IGF2BP2: variants seen among roughly 807,000 people sequenced by gnomAD.
IGF2BP2 encodes the protein insulin like growth factor 2 mRNA binding protein 2.
In IGF2BP2, 17 loss-of-function variants were observed where a neutral mutation model predicts 75.8. The ratio of observed to expected loss-of-function variants is 0.22; its 90% CI spans 0.15 to 0.34. The LOEUF is 0.34. IGF2BP2 is among the 10% of genes least tolerant of loss of function. The pLI, the probability that IGF2BP2 is intolerant of heterozygous loss-of-function variation, is 1.00. For synonymous variants in IGF2BP2, 288 were observed against 295.6 expected (o/e 0.97, Z 0.26); for missense variants, 516 against 772.4 (o/e 0.67, Z 3.93).
At chr3:185,801,758 G>T (rs1738311060) in intron 2 of IGF2BP2, among the ~76,000 whole-genome samples, 1 of 152,014 alleles carries the variant, frequency 6.6e-6, no homozygotes, top group Non-Finnish European at 1.5e-5. Context: ...CAAAGACTTG[G>T]AACCAACCCA....
intron 13 of IGF2BP2, 128 bp downstream of exon 13, chr3:185,651,966 T>G: frequency 2.2e-5 from 14 of 635,364 alleles, no homozygotes; most frequent in Non-Finnish European, 3.1e-5. Flanking sequence ...AGGGTGAGCC[T>G]GAGCTTGGTG....
At chr3:185,815,851 A>AC (rs1740532943) in intron 2 of IGF2BP2, among the ~76,000 whole-genome samples, 1 of 152,220 alleles carries the variant, frequency 6.6e-6, no homozygotes, top group Non-Finnish European at 1.5e-5. Context: ...AATGAACTGT[A>AC]CTTCACATGC....
chr3:185,807,479 T>C (rs528990884), intron 2 of IGF2BP2, among the ~76,000 whole-genome samples: 1 of 152,248 alleles, frequency 6.6e-6, no homozygotes, highest in Non-Finnish European at 1.5e-5. Flanking sequence ...CCAGTTTTAC[T>C]CCAAAAGAGG....
At chr3:185,771,882 C>T (rs900918842) in intron 2 of IGF2BP2, among the ~76,000 whole-genome samples, 5 of 152,250 alleles carry the variant, frequency 3.3e-5, no homozygotes, top group South Asian at 4.1e-4. Context: ...GCAGCTCACA[C>T]GGCCTCTTTG....
intron 7 of IGF2BP2, among the ~76,000 whole-genome samples, chr3:185,686,385 A>T (rs1243652869): frequency 7.0e-6 from 1 of 142,118 alleles, no homozygotes; most frequent in Non-Finnish European, 1.5e-5. Context: ...ACTCTGTCTT[A>T]AAAAAAAAAA....
chr3:185,786,521 C>T (rs898419847), intron 2 of IGF2BP2, among the ~76,000 whole-genome samples: 4 of 152,148 alleles, frequency 2.6e-5, no homozygotes, highest in Non-Finnish European at 5.9e-5. Flanking sequence ...GAAGCTCCCC[C>T]ACTGAGCACC....
At position 185,823,139 on chromosome 3, in the gene IGF2BP2, C is replaced by G; in HGVS notation, c.239+14G>C. ...GGCCAATCGCAAAAAAAAAACTAAGCAAAGTATATTTACCTTAGCTTTTTA... is the reference window on the plus strand; with the variant it reads ...GGCCAATCGCAAAAAAAAAACTAAGGAAAGTATATTTACCTTAGCTTTTTA... On this transcript the variant is annotated intron_variant, in intron 2 of 15. Transcript: ENST00000382199. 1.3e-6 allele frequency: 2 copies of G among 1,569,984 alleles called. No homozygotes were observed. Among genetic ancestry groups the G allele is most frequent in the Non-Finnish European group, 1.7e-6 (2 of 1,157,510 alleles).
At chr3:185,772,588 T>C (rs1297305082) in intron 2 of IGF2BP2, among the ~76,000 whole-genome samples, 4 of 149,076 alleles carry the variant, frequency 2.7e-5, no homozygotes, top group Admixed American at 6.7e-5. Context: ...TTTTTTTTTT[T>C]TTTTTTTTTT....
chr3:185,683,131 G>A (rs1477156300), intron 7 of IGF2BP2, among the ~76,000 whole-genome samples: 2 of 152,182 alleles, frequency 1.3e-5, no homozygotes, highest in Non-Finnish European at 1.5e-5. Flanking sequence ...AGGAAAGCCT[G>A]TTACATGCTA....
At chr3:185,805,286 T>A (rs535025065) in intron 2 of IGF2BP2, among the ~76,000 whole-genome samples, 2 of 152,250 alleles carry the variant, frequency 1.3e-5, no homozygotes, top group South Asian at 2.1e-4. Context: ...AGTGTGGTGC[T>A]AACTTGAGCT....
At chr3:185,744,869 T>C (rs750898629) in intron 2 of IGF2BP2, among the ~76,000 whole-genome samples, 6 of 152,236 alleles carry the variant, frequency 3.9e-5, no homozygotes, top group Non-Finnish European at 8.8e-5. Flanking sequence ...AAACTCAGCA[T>C]ATCATGTTTT....
At chr3:185,812,946 CT>C (rs1740105494) in intron 2 of IGF2BP2, among the ~76,000 whole-genome samples, 1 of 152,224 alleles carries the variant, frequency 6.6e-6, no homozygotes, top group Non-Finnish European at 1.5e-5. Flanking sequence ...ACTAAAGCCA[CT>C]GATCAATTTC....
At chr3:185,660,666 G>T (rs1716288717) in intron 10 of IGF2BP2, among the ~76,000 whole-genome samples, 1 of 152,204 alleles carries the variant, frequency 6.6e-6, no homozygotes, top group African/African-American at 2.4e-5. Context: ...TTGCAGGAAG[G>T]TGGGTGAAGC....
intron 2 of IGF2BP2, among the ~76,000 whole-genome samples, chr3:185,786,754 C>T (rs1047034931): frequency 6.6e-6 from 1 of 152,072 alleles, no homozygotes; most frequent in Non-Finnish European, 1.5e-5. Context: ...TCTTAAGATA[C>T]GTGGAAACCT....
At chr3:185,807,918 T>G (rs558816971) in intron 2 of IGF2BP2, among the ~76,000 whole-genome samples, 2 of 151,584 alleles carry the variant, frequency 1.3e-5, no homozygotes, top group Admixed American at 1.3e-4. Flanking sequence ...AGATGATGAG[T>G]CAGAACAATC....
At chr3:185,758,877 T>C (rs1045178316) in intron 2 of IGF2BP2, among the ~76,000 whole-genome samples, 3 of 152,216 alleles carry the variant, frequency 2.0e-5, no homozygotes, top group Admixed American at 6.5e-5. Flanking sequence ...CTTGGGGTGA[T>C]AGAGCTCCAC....
chr3:185,683,512 G>A (rs890323220), intron 7 of IGF2BP2, among the ~76,000 whole-genome samples: 1 of 151,996 alleles, frequency 6.6e-6, no homozygotes, highest in South Asian at 2.1e-4. Flanking sequence ...GGGTTCAAGC[G>A]GTTCTCATGC....
chr3:185,731,396 G>A (rs1728154411), intron 2 of IGF2BP2, among the ~76,000 whole-genome samples: 1 of 151,898 alleles, frequency 6.6e-6, no homozygotes, highest in Non-Finnish European at 1.5e-5. Context: ...ACAGGCATGT[G>A]CCACCACTCC....
chr3:185,724,557 T>C (rs1317665592), intron 2 of IGF2BP2: 1 of 152,224 alleles, frequency 6.6e-6, no homozygotes, highest in Admixed American at 6.5e-5. Context: ...TTGCTTTAAC[T>C]TTCCTGATTC....
Sources: gnomAD v4.1 joint callset for allele counts (sites outside exome capture counted in the v4.1 genomes callset) on GRCh38, gnomAD v4.1.1 for gene constraint, MANE v1.5 for transcripts, NCBI Gene and HGNC (gene_info 2026-07-23, HGNC 2026-07-21) for gene names.